Variants in LRRC4C observed in about 807,000 individuals in gnomAD.
LRRC4C encodes the protein leucine-rich repeat-containing protein 4C.
LRRC4C carries 5 observed loss-of-function variants against 33.6 expected under a neutral mutation model. The ratio of observed to expected loss-of-function variants is 0.15; its 90% CI spans 0.08 to 0.31. LRRC4C has a LOEUF of 0.31. LRRC4C is among the 10% of genes least tolerant of loss of function. The probability of loss-of-function intolerance (pLI) is 1.00; values close to 1 mark genes in which losing one functional copy is unlikely to be tolerated. For missense variants in LRRC4C, 560 were observed against 796.7 expected, an observed-to-expected ratio of 0.70 and a Z score of 3.58; for synonymous variants, 329 against 302.0, an observed-to-expected ratio of 1.09 and a Z score of -0.93.
At chr11:40,985,888 T>C (rs1291202816) in intron 1 of LRRC4C, among the ~76,000 whole-genome samples, 2 of 152,220 alleles carry the variant, frequency 1.3e-5, no homozygotes, top group East Asian at 3.9e-4. Flanking sequence ...ACTGTGCTGT[T>C]GTTAAGAGTC....
chr11:40,937,623 G>C (rs1592137711), intron 1 of LRRC4C, among the ~76,000 whole-genome samples: 1 of 151,460 alleles, frequency 6.6e-6, no homozygotes, highest in East Asian at 1.9e-4. Context: ...GTGTGTGTGT[G>C]TGTGTGTGTG....
intron 3 of LRRC4C, among the ~76,000 whole-genome samples, chr11:40,436,055 G>A (rs1394513804): frequency 6.6e-6 from 1 of 151,874 alleles, no homozygotes; most frequent in African/African-American, 2.4e-5. Context: ...TAATTTTCTT[G>A]TTCAAGCCCT....
chr11:41,444,263 T>C lies in LRRC4C; in HGVS notation c.-496+15168A>G, dbSNP rs559255511. 2.5e-3 allele frequency among the ~76,000 whole-genome samples: 380 copies of C among 152,314 alleles called. 2 individuals are homozygous for C. The highest frequency in any genetic ancestry group is 8.7e-3 in the African/African-American group (360 of 41,556). ...AATATTTTAAAAATATGCACAGTTG[T>C]GTCTATACTGAATTCATACAGACTT... is the stretch of plus-strand genomic sequence containing the variant. On this transcript the variant is annotated intron_variant, in intron 1 of 6. Coordinates refer to ENST00000528697, the MANE Select transcript of LRRC4C (RefSeq NM_001258419.2).
chr11:40,179,031 G>C (rs1860754183), intron 5 of LRRC4C, among the ~76,000 whole-genome samples: 1 of 145,708 alleles, frequency 6.9e-6, no homozygotes, highest in East Asian at 2.0e-4. Context: ...TTTAGATACG[G>C]TCTTGCTCAG....
intron 2 of LRRC4C, among the ~76,000 whole-genome samples, chr11:40,798,644 TC>T (rs1379185594): frequency 6.9e-6 from 1 of 144,846 alleles, no homozygotes; most frequent in East Asian, 2.0e-4. Flanking sequence ...TTTCTTTCTT[TC>T]TTTTTTTTTT....
intron 3 of LRRC4C, among the ~76,000 whole-genome samples, chr11:40,370,178 C>T (rs980088646): frequency 6.6e-6 from 1 of 152,114 alleles, no homozygotes; most frequent in Non-Finnish European, 1.5e-5. Context: ...CTGAATTCAA[C>T]ACCTGTGAAG....
intron 3 of LRRC4C, among the ~76,000 whole-genome samples, chr11:40,496,018 C>T (rs1391457718): frequency 1.3e-5 from 2 of 151,514 alleles, no homozygotes; most frequent in South Asian, 4.2e-4. Flanking sequence ...TCAGTAGAGA[C>T]GTGGTTTCAC....
At chr11:40,739,100 A>G (rs376201202) in intron 2 of LRRC4C, among the ~76,000 whole-genome samples, 11 of 151,378 alleles carry the variant, frequency 7.3e-5, no homozygotes, top group African/African-American at 1.9e-4. Flanking sequence ...CAACTACACA[A>G]TATCATATTA....
rs377334615 is a variant in LRRC4C, at chr11:40,974,472, A to C, written c.-495-40749T>G. On this transcript the variant is annotated intron_variant, in intron 1 of 6. Coordinates refer to ENST00000528697, the MANE Select transcript of LRRC4C (RefSeq NM_001258419.2). ...ATGCTACAACGTCTGTTCAAAGTGAATGTTGGATTAATAAACAAAGCCAAG... is the reference window on the plus strand; with the variant it reads ...ATGCTACAACGTCTGTTCAAAGTGACTGTTGGATTAATAAACAAAGCCAAG... Among the ~76,000 whole-genome samples, 18 of 152,340 alleles carry C rather than the reference A, an allele frequency of 1.2e-4. No individual in the cohort carries two copies. In the South Asian group the frequency reaches 3.3e-3, roughly 28 times the overall value.
intron 3 of LRRC4C, among the ~76,000 whole-genome samples, chr11:40,329,757 T>A (rs1040819381): frequency 2.0e-5 from 3 of 150,120 alleles, no homozygotes; most frequent in Admixed American, 6.6e-5. Context: ...TTTTTTTTTT[T>A]TTGAGATGGA....
intron 1 of LRRC4C, among the ~76,000 whole-genome samples, chr11:40,935,159 C>A (rs1169366913): frequency 6.6e-6 from 1 of 152,012 alleles, no homozygotes; most frequent in Non-Finnish European, 1.5e-5. Context: ...TCCTTGTTTC[C>A]CTGAATAACA....
Position 40,613,836 on chromosome 11 carries a change from T to G in LRRC4C, c.-270+34306A>C, listed in dbSNP as rs553011383. On this transcript the variant is annotated intron_variant, in intron 3 of 6. Transcript: ENST00000528697. ...ACATTCTTGTACATCTCTGTAAGAG[T>G]CTTAGGTGACGAGGTGCATTGCTAA... 7.2e-5 allele frequency among the ~76,000 whole-genome samples: 11 copies of G among 151,912 alleles called. No individual in the cohort carries two copies. In the East Asian group the frequency reaches 2.1e-3, roughly 29 times the overall value.
At chr11:41,018,844 C>A (rs1020295668) in intron 1 of LRRC4C, among the ~76,000 whole-genome samples, 4 of 152,068 alleles carry the variant, frequency 2.6e-5, no homozygotes, top group South Asian at 2.1e-4. Context: ...TTAACTAGAC[C>A]ATTTTCGGGT....
intron 1 of LRRC4C, among the ~76,000 whole-genome samples, chr11:41,199,286 A>T (rs1324559252): frequency 1.3e-5 from 2 of 152,052 alleles, no homozygotes; most frequent in East Asian, 3.9e-4. Flanking sequence ...GCTTTTGGTG[A>T]TTTATTTTTA....
At chr11:40,569,568 G>GTA (rs149216761) in intron 3 of LRRC4C, among the ~76,000 whole-genome samples, 4,566 of 151,626 alleles carry the variant, frequency 0.03, 223 homozygotes, top group African/African-American at 0.1. Flanking sequence ...GTTTATGCGT[G>GTA]TATATATATA....
At chr11:41,010,457 A>G (rs1029844571) in intron 1 of LRRC4C, among the ~76,000 whole-genome samples, 1 of 152,190 alleles carries the variant, frequency 6.6e-6, no homozygotes, top group African/African-American at 2.4e-5. Context: ...CAAATGCTGA[A>G]CTGAGAATAC....
At chr11:41,069,653 AAC>A (rs1403037668) in intron 1 of LRRC4C, among the ~76,000 whole-genome samples, 9 of 152,172 alleles carry the variant, frequency 5.9e-5, no homozygotes, top group Non-Finnish European at 2.9e-5. Flanking sequence ...ATCATGAATG[AAC>A]CCCCATTCAC....
At chr11:40,785,952 G>C (rs186859483) in intron 2 of LRRC4C, among the ~76,000 whole-genome samples, 58 of 152,174 alleles carry the variant, frequency 3.8e-4, no homozygotes, top group African/African-American at 1.4e-3. Context: ...CTGAAAATCA[G>C]CAAGTTTTGT....
At chr11:40,766,353 T>TAAAAAAAAAAAAAAAAAAAAAAAAA (rs60152534) in intron 2 of LRRC4C, among the ~76,000 whole-genome samples, 1 of 33,902 alleles carries the variant, frequency 2.9e-5, no homozygotes, top group African/African-American at 1.1e-4. Flanking sequence ...TTCAGTCTGT[T>TAAAAAAAAAAAAAAAAAAAAAAAAA]AAAAAAAAAA....
Sources: allele counts gnomAD v4.1 joint callset (sites outside exome capture counted in the v4.1 genomes callset), GRCh38; gene constraint gnomAD v4.1.1; transcripts MANE v1.5; gene names NCBI Gene and HGNC (gene_info 2026-07-23, HGNC 2026-07-21).